The following RSBN1L variants were observed in gnomAD, a reference collection of about 807,000 sequenced individuals.
RSBN1L encodes lysine-specific demethylase RSBN1L.
A neutral mutation model predicts 67.7 loss-of-function variants in RSBN1L; 30 were observed. The observed-to-expected ratio is 0.44, with a 90% CI of 0.33 to 0.60. RSBN1L has a LOEUF of 0.60. RSBN1L is among the 20% of genes least tolerant of loss of function. RSBN1L has a pLI of 0.02. For missense variants in RSBN1L, 992 were observed against 1,031.7 expected, an observed-to-expected ratio of 0.96 and a Z score of 0.53; for synonymous variants, 433 against 387.0, an observed-to-expected ratio of 1.12 and a Z score of -1.39.
At chr7:77,740,827 A>G (rs376411465) in intron 2 of RSBN1L, among the ~76,000 whole-genome samples, 1 of 151,650 alleles carries the variant, frequency 6.6e-6, no homozygotes, top group Non-Finnish European at 1.5e-5. Context: ...GTATACCTGC[A>G]TCTCTGTTTC....
chr7:77,719,148 A>G (rs959033940), intron 1 of RSBN1L, among the ~76,000 whole-genome samples: 5 of 152,222 alleles, frequency 3.3e-5, no homozygotes, highest in Non-Finnish European at 7.3e-5. Flanking sequence ...CTGCACATAC[A>G]TTAGGGCACA....
chr7:77,725,080 G>A (rs1791178778), intron 1 of RSBN1L, among the ~76,000 whole-genome samples: 1 of 150,586 alleles, frequency 6.6e-6, no homozygotes. Context: ...CTGACCTCCG[G>A]TGATCCACCC....
chr7:77,765,112 A>G (rs1791744870), intron 3 of RSBN1L, among the ~76,000 whole-genome samples: 2 of 152,244 alleles, frequency 1.3e-5, no homozygotes, highest in East Asian at 3.8e-4. Flanking sequence ...ATGAAAAGAT[A>G]TGAACTTCAT....
Position 77,781,280 on chromosome 7 carries a change from G to T in RSBN1L, c.*2112G>T, listed in dbSNP as rs1791994348. Reference sequence around the variant, plus strand: ...TATAAATCAAGATAGTAAGGGTTTTGTTTTATATGTCATTGTCTTACCATG... The same window carrying T: ...TATAAATCAAGATAGTAAGGGTTTTTTTTTATATGTCATTGTCTTACCATG... On this transcript the variant is annotated 3_prime_UTR_variant, in exon 8 of 8. Coordinates refer to ENST00000334955, the MANE Select transcript of RSBN1L (RefSeq NM_198467.3). The T allele has an allele frequency of 6.6e-6, 1 of 152,142 alleles. No homozygotes were observed. The highest frequency in any genetic ancestry group is 2.4e-5 in the African/African-American group (1 of 41,434). The allele number at this position is 152,142 out of a possible 1,614,324, so 9.4% of individuals were successfully genotyped here.
chr7:77,701,168 AAACAACAACAAC>A (rs1207103569), intron 1 of RSBN1L, among the ~76,000 whole-genome samples: 17 of 135,704 alleles, frequency 1.3e-4, no homozygotes, highest in African/African-American at 3.0e-4. Flanking sequence ...AAAAAAAAAA[AAACAACAACAAC>A]AACAACAACA....
chr7:77,768,540 G>C, intron 4 of RSBN1L, 121 bp from the exon 5 acceptor site: 1 of 828,306 alleles, frequency 1.2e-6, no homozygotes, highest in Non-Finnish European at 1.9e-6. Flanking sequence ...ATGTATTTCA[G>C]ATGCTTAAGT....
At chr7:77,742,789 G>C (rs116293944) in intron 2 of RSBN1L, among the ~76,000 whole-genome samples, 3,045 of 152,236 alleles carry the variant, frequency 0.02, 87 homozygotes, top group African/African-American at 0.069. Context: ...GCTGTGAGCC[G>C]ATTGCACGAT....
chr7:77,770,191 T>C (rs935147739), intron 5 of RSBN1L, among the ~76,000 whole-genome samples: 2 of 151,936 alleles, frequency 1.3e-5, no homozygotes, highest in African/African-American at 4.8e-5. Context: ...CTGGCCAACA[T>C]GAGGAAACCC....
chr7:77,762,625 A>T (rs1791709573), intron 3 of RSBN1L, among the ~76,000 whole-genome samples: 2 of 152,168 alleles, frequency 1.3e-5, no homozygotes, highest in Non-Finnish European at 2.9e-5. Context: ...AAAGTTCTTG[A>T]GTCATGACAC....
intron 1 of RSBN1L, among the ~76,000 whole-genome samples, chr7:77,735,627 A>G (rs1791324326): frequency 1.3e-5 from 2 of 152,196 alleles, no homozygotes; most frequent in Admixed American, 1.3e-4. Flanking sequence ...CAGTTCTTGT[A>G]TACTTCCATC....
chr7:77,709,780 T>C (rs1180258339), intron 1 of RSBN1L, among the ~76,000 whole-genome samples: 1 of 152,240 alleles, frequency 6.6e-6, no homozygotes, highest in Non-Finnish European at 1.5e-5. Context: ...CTAATTGCCC[T>C]GGTATTTTTC....
intron 1 of RSBN1L, among the ~76,000 whole-genome samples, chr7:77,705,154 T>G (rs1790873981): frequency 6.6e-6 from 1 of 152,186 alleles, no homozygotes; most frequent in African/African-American, 2.4e-5. Flanking sequence ...TAGCTCTTGT[T>G]AAAAAATTAT....
chr7:77,736,544 A>G lies in RSBN1L; in HGVS notation c.703+18A>G, dbSNP rs775337092. The G allele has an allele frequency of 1.2e-5, 15 of 1,282,786 alleles. No homozygotes were observed. The highest frequency in any genetic ancestry group is 1.1e-5 in the Non-Finnish European group (10 of 944,158). The allele number at this position is 1,282,786 out of a possible 1,614,324, so 79.5% of individuals were successfully genotyped here. A position where few individuals can be genotyped will look rare whatever the true frequency, so the allele number is the denominator to read the frequency against. On this transcript the variant is annotated intron_variant, in intron 2 of 7. Coordinates refer to ENST00000334955, the MANE Select transcript of RSBN1L (RefSeq NM_198467.3). Reference sequence around the variant, plus strand: ...GCTGAAAAGTAAGTTTTATTCAGTGATTTTAGTTCTACTTTATTATACTGT... The same window carrying G: ...GCTGAAAAGTAAGTTTTATTCAGTGGTTTTAGTTCTACTTTATTATACTGT...
At chr7:77,750,401 TC>T (rs1269873104) in intron 3 of RSBN1L, among the ~76,000 whole-genome samples, 1 of 142,620 alleles carries the variant, frequency 7.0e-6, no homozygotes, top group African/African-American at 2.6e-5. Context: ...TACCTGGAAA[TC>T]ACCTAAAATT....
chr7:77,767,143 A>T (rs897475273), intron 4 of RSBN1L, among the ~76,000 whole-genome samples: 2 of 140,722 alleles, frequency 1.4e-5, no homozygotes, highest in South Asian at 4.3e-4. Flanking sequence ...TGCCCAGGCT[A>T]GCTTTGAAGT....
intron 1 of RSBN1L, among the ~76,000 whole-genome samples, chr7:77,728,304 A>G (rs1478477685): frequency 1.3e-5 from 2 of 152,190 alleles, no homozygotes; most frequent in African/African-American, 4.8e-5. Flanking sequence ...AGTTTGGCAG[A>G]TTATAAAATT....
intron 1 of RSBN1L, among the ~76,000 whole-genome samples, chr7:77,735,610 C>T (rs1049767316): frequency 2.0e-5 from 3 of 152,136 alleles, no homozygotes; most frequent in Admixed American, 2.0e-4. Context: ...TATTCCAGGA[C>T]ATTTCACAGT....
intron 1 of RSBN1L, among the ~76,000 whole-genome samples, chr7:77,698,471 C>T (rs1023450771): frequency 1.3e-5 from 2 of 152,116 alleles, no homozygotes; most frequent in African/African-American, 4.8e-5. Context: ...TGCACATTTG[C>T]TGTAAGTTCT....
intron 1 of RSBN1L, among the ~76,000 whole-genome samples, chr7:77,712,987 ATTT>A (rs1790995960): frequency 6.6e-6 from 1 of 152,190 alleles, no homozygotes; most frequent in African/African-American, 2.4e-5. Context: ...GAGACTGTCC[ATTT>A]TTTACATTCT....
Sources: gnomAD v4.1 joint callset for allele counts (sites outside exome capture counted in the v4.1 genomes callset) on GRCh38, gnomAD v4.1.1 for gene constraint, MANE v1.5 for transcripts, NCBI Gene and HGNC (gene_info 2026-07-23, HGNC 2026-07-21) for gene names.